The following DNAH14 variants were observed in gnomAD, a reference collection of about 807,000 sequenced individuals.
DNAH14 encodes dynein axonemal heavy chain 14, also known as axonemal beta dynein heavy chain 14.
In DNAH14, 478 loss-of-function variants were observed where a neutral mutation model predicts 520.9. The ratio of observed to expected loss-of-function variants is 0.92; its 90% CI spans 0.85 to 0.99. The LOEUF (loss-of-function observed/expected upper bound fraction) is 0.99, where lower values mean the gene tolerates loss of function less well. Among genes scored for constraint, DNAH14 ranks in the 50% least tolerant of loss-of-function variants. The pLI is 0.00. For synonymous variants in DNAH14, 1,581 were observed against 1,757.2 expected (o/e 0.90, Z 2.51); for missense variants, 4,831 against 5,234.5 (o/e 0.92, Z 2.38).
At chr1:225,298,943 C>T (rs191672725) in intron 55 of DNAH14, among the ~76,000 whole-genome samples, 1 of 152,202 alleles carries the variant, frequency 6.6e-6, no homozygotes, top group South Asian at 2.1e-4. Flanking sequence ...ACAGGGGAGA[C>T]AGGGCTGCAG....
intron 17 of DNAH14, among the ~76,000 whole-genome samples, chr1:225,063,530 A>G (rs1030075579): frequency 1.3e-5 from 2 of 152,108 alleles, no homozygotes; most frequent in African/African-American, 4.8e-5. Flanking sequence ...AGATTAATTG[A>G]TTAGACACTG....
At chr1:225,379,086 G>A (rs116289082) in intron 79 of DNAH14, among the ~76,000 whole-genome samples, 2,409 of 151,982 alleles carry the variant, frequency 0.016, 35 homozygotes, top group South Asian at 0.039. Flanking sequence ...GCATAGTATC[G>A]CAGCCTCACC....
At chr1:225,237,742 C>T (rs1295265428) in intron 42 of DNAH14, among the ~76,000 whole-genome samples, 1 of 152,084 alleles carries the variant, frequency 6.6e-6, no homozygotes, top group Non-Finnish European at 1.5e-5. Flanking sequence ...TTTCAAGAAC[C>T]CCAATCAGTC....
At position 225,123,605 on chromosome 1, in the gene DNAH14, A is replaced by T. The variant is rs983651446; in HGVS notation, c.4245A>T (p.Val1415=). The change falls in exon 27 of 86, where the codon GTA becomes GTT. Residue 1415 remains valine, a synonymous_variant. Coordinates refer to ENST00000682510, the MANE Select transcript of DNAH14 (RefSeq NM_001367479.1). The part of the protein sequence containing the change: ...QWVLSHPGQV[V]LTVSQIMFYN... ...TGTTATCTCATCCAGGACAAGTGGT[A>T]CTTACTGTGGTAAGTTAATGCTGCT... 2.1e-5 allele frequency: 9 copies of T among 422,844 alleles called. No individual in the cohort carries two copies. In the Admixed American group the frequency reaches 2.3e-4, roughly 11 times the overall value. 26.2% of individuals were successfully genotyped at this position (422,844 alleles called of 1,614,324 possible).
At chr1:224,967,919 T>C in intron 6 of DNAH14, 1 of 1,206,542 alleles carries the variant, frequency 8.3e-7, no homozygotes. Flanking sequence ...ATATTCTTTA[T>C]TGGCACATTT....
Position 225,258,077 on chromosome 1 carries a change from T to C in DNAH14, c.6983T>C (p.Met2328Thr), listed in dbSNP as rs1350995189. The stretch of plus-strand genomic sequence containing the variant: ...GACACAACATGCCTTTCTTTTCTCA[T>C]GAGCCTTCTTTTAAAGAATTCCTGC... ...TRDTTCLSFL[M>T]SLLLKNSCPV... is the part of the protein sequence containing the mutation. Residue 2328 changes from methionine (M) to threonine (T), a missense_variant, in exon 45 of 86, where the codon ATG (methionine) becomes ACG (threonine). Met to Thr is a moderately conservative substitution (Grantham distance 81). Transcript: ENST00000682510. 3 of 1,547,096 alleles carry C rather than the reference T, an allele frequency of 1.9e-6. No individual in the cohort carries two copies. The African/African-American group carries it at 4.1e-5, about 21-fold the overall frequency.
At chr1:225,102,343 A>G (rs1292280867) in intron 23 of DNAH14, among the ~76,000 whole-genome samples, 4 of 152,242 alleles carry the variant, frequency 2.6e-5, no homozygotes, top group African/African-American at 7.2e-5. Flanking sequence ...TAGTGCCACA[A>G]TAAACATACG....
chr1:225,027,776 A>G (rs1259624692), intron 11 of DNAH14, among the ~76,000 whole-genome samples: 2 of 152,128 alleles, frequency 1.3e-5, no homozygotes, highest in Non-Finnish European at 2.9e-5. Flanking sequence ...ATTCGGCATG[A>G]GATTTGGTTG....
chr1:225,144,700 A>T, intron 29 of DNAH14, 72 bp downstream of exon 29: 2 of 1,180,172 alleles, frequency 1.7e-6, no homozygotes, highest in Non-Finnish European at 2.4e-6. Context: ...GTTATCTTAA[A>T]TTTACACCAT....
chr1:225,050,241 GCTGT>G lies in DNAH14; in HGVS notation c.1947_1950del (p.Ile651SerfsTer7). 1 of 1,545,348 alleles carries G rather than the reference GCTGT, an allele frequency of 6.5e-7. No individual in the cohort carries two copies. Among genetic ancestry groups the G allele is most frequent in the Non-Finnish European group, 8.7e-7 (1 of 1,145,274 alleles). On this transcript the variant is annotated frameshift_variant, in exon 16 of 86. Transcript: ENST00000682510. LOFTEE classifies it high-confidence loss of function. ...TTACTCCTCTTTGCCAAGATCCCCA[GCTGT>G]CTATCTTCATTGATTTGGTTTCAAT...
Position 225,381,515 on chromosome 1 carries a change from TCAC to T in DNAH14, c.13015_13017del (p.Thr4339del), listed in dbSNP as rs756438490. The T allele has an allele frequency of 4.5e-6, 7 of 1,549,294 alleles. No homozygotes were observed. The South Asian group carries it at 8.4e-5, about 19-fold the overall frequency. On this transcript the variant is annotated inframe_deletion, in exon 81 of 86. Transcript: ENST00000682510. ...CTTGCTATAAAAGGAGAGATCATCCTCACCCAAGAATTGGAGGAAATATTTAAC... is the reference window on the plus strand; with the variant it reads ...CTTGCTATAAAAGGAGAGATCATCCTCCAAGAATTGGAGGAAATATTTAAC...
At chr1:225,113,024 T>C (rs540448556) in intron 23 of DNAH14, among the ~76,000 whole-genome samples, 67 of 152,278 alleles carry the variant, frequency 4.4e-4, no homozygotes, top group African/African-American at 1.6e-3. Context: ...TTTGTTTTCC[T>C]GGGTGGTCTT....
Position 225,141,375 on chromosome 1 carries a change from T to C in DNAH14, c.4508+354T>C, listed in dbSNP as rs181368806. 2.6e-3 allele frequency among the ~76,000 whole-genome samples: 394 copies of C among 151,982 alleles called. 1 individual carries two copies. The highest frequency in any genetic ancestry group is 9.3e-3 in the African/African-American group (385 of 41,432). ...TCTCTTAATGTGCCTCATTTATAAA[T>C]TAAGCTTTATTATAGTTATTTATGT... On this transcript the variant is annotated intron_variant, in intron 28 of 85. Transcript: ENST00000682510.
intron 7 of DNAH14, 101 bp from the exon 8 acceptor site, chr1:224,973,990 G>A (rs973726062): frequency 1.5e-5 from 10 of 687,860 alleles, no homozygotes; most frequent in Non-Finnish European, 2.1e-5. Flanking sequence ...AATGAAATAT[G>A]TTCTAGAGAA....
At chr1:225,312,797 C>A (rs1222907431) in intron 60 of DNAH14, among the ~76,000 whole-genome samples, 1 of 152,198 alleles carries the variant, frequency 6.6e-6, no homozygotes, top group Non-Finnish European at 1.5e-5. Flanking sequence ...ATGAAGCCAA[C>A]TTGATCGTGG....
chr1:225,016,893 G>A (rs894072645), intron 10 of DNAH14, among the ~76,000 whole-genome samples: 2 of 151,052 alleles, frequency 1.3e-5, no homozygotes, highest in Non-Finnish European at 3.0e-5. Context: ...TTTCTATTTG[G>A]TTCTTTTCTA....
At chr1:225,177,473 T>C (rs1255455171) in intron 36 of DNAH14, among the ~76,000 whole-genome samples, 3 of 152,104 alleles carry the variant, frequency 2.0e-5, no homozygotes, top group Non-Finnish European at 4.4e-5. Context: ...CCCAAGACAC[T>C]GGGGAAAATG....
intron 65 of DNAH14, among the ~76,000 whole-genome samples, 184 bp downstream of exon 65, chr1:225,331,761 C>A (rs2094802804): frequency 6.6e-6 from 1 of 152,274 alleles, no homozygotes; most frequent in East Asian, 1.9e-4. Flanking sequence ...CGTCTCAAAA[C>A]AGAAGTAACA....
At chr1:225,239,305 C>T (rs2091821611) in intron 42 of DNAH14, among the ~76,000 whole-genome samples, 1 of 152,106 alleles carries the variant, frequency 6.6e-6, no homozygotes, top group African/African-American at 2.4e-5. Flanking sequence ...GGGACCCAAG[C>T]CCCTGGTGGC....
Sources: allele counts gnomAD v4.1 joint callset (sites outside exome capture counted in the v4.1 genomes callset), GRCh38; gene constraint gnomAD v4.1.1; transcripts MANE v1.5; gene names NCBI Gene and HGNC (gene_info 2026-07-23, HGNC 2026-07-21).